Variants in GNG7 observed in about 807,000 individuals in gnomAD.
The protein encoded by GNG7 is guanine nucleotide-binding protein G(I)/G(S)/G(O) subunit gamma-7.
A neutral mutation model predicts 4.0 loss-of-function variants in GNG7; 1 was observed. That is an observed-to-expected ratio of 0.25 (90% CI 0.09 to 1.18). The LOEUF is 1.18. GNG7 is among the 50% of genes most tolerant of loss of function. GNG7 has a pLI of 0.50. For missense variants in GNG7, 86 were observed against 91.9 expected (o/e 0.94, Z 0.26); for synonymous variants, 34 against 36.9 (o/e 0.92, Z 0.29).
intron 2 of GNG7, chr19:2,610,964 G>A (rs1367724417): frequency 9.1e-5 from 13 of 142,268 alleles, no homozygotes; most frequent in Non-Finnish European, 1.8e-4. Context: ...GGGGACGAGG[G>A]GGCGGGTGGG....
intron 3 of GNG7, among the ~76,000 whole-genome samples, chr19:2,547,508 C>T (rs80190525): frequency 0.01 from 1,569 of 152,074 alleles, 22 homozygotes; most frequent in African/African-American, 0.036. Context: ...GAGGTCACTG[C>T]GCCCCCCCAC....
At chr19:2,701,527 C>G (rs1001206269) in intron 1 of GNG7, among the ~76,000 whole-genome samples, 2 of 151,134 alleles carry the variant, frequency 1.3e-5, no homozygotes, top group Non-Finnish European at 3.0e-5. Flanking sequence ...TCCAGCCACT[C>G]CCTGGCTCAC....
intron 2 of GNG7, among the ~76,000 whole-genome samples, chr19:2,600,637 ATT>A (rs964771163): frequency 6.8e-6 from 1 of 147,688 alleles, no homozygotes; most frequent in Non-Finnish European, 1.5e-5. Context: ...CACCTGGCTA[ATT>A]TTTTTTTTTA....
intron 3 of GNG7, among the ~76,000 whole-genome samples, chr19:2,539,504 C>T (rs529447259): frequency 6.6e-6 from 1 of 152,104 alleles, no homozygotes; most frequent in East Asian, 1.9e-4. Context: ...GGGGTTTCAC[C>T]ATGTTGGCCA....
intron 2 of GNG7, among the ~76,000 whole-genome samples, chr19:2,596,027 C>T (rs577607097): frequency 2.8e-4 from 43 of 152,050 alleles, no homozygotes; most frequent in East Asian, 5.8e-4. Flanking sequence ...GAGGAAGCAA[C>T]GCTTACGAAA....
intron 2 of GNG7, among the ~76,000 whole-genome samples, chr19:2,638,204 T>A (rs1025539777): frequency 1.3e-5 from 2 of 150,122 alleles, no homozygotes; most frequent in African/African-American, 4.9e-5. Flanking sequence ...CTCTACTAAA[T>A]ATACAAAAGT....
intron 1 of GNG7, among the ~76,000 whole-genome samples, chr19:2,698,838 G>A (rs1403012013): frequency 1.3e-5 from 2 of 152,110 alleles, no homozygotes; most frequent in East Asian, 3.8e-4. Context: ...CTACACGTGA[G>A]GGTAATTTGT....
chr19:2,574,022 C>A (rs917303762), intron 2 of GNG7, among the ~76,000 whole-genome samples: 3 of 152,160 alleles, frequency 2.0e-5, no homozygotes, highest in African/African-American at 7.2e-5. Context: ...TCGGGGAGGC[C>A]TGGGTATCCC....
intron 3 of GNG7, among the ~76,000 whole-genome samples, chr19:2,526,287 T>C (rs1978393342): frequency 1.3e-5 from 2 of 150,842 alleles, no homozygotes; most frequent in Admixed American, 1.3e-4. Context: ...GTATTTTTAA[T>C]AGAGACGGGG....
chr19:2,632,439 A>AC (rs1166755478), intron 2 of GNG7: 4 of 151,792 alleles, frequency 2.6e-5, no homozygotes, highest in African/African-American at 9.7e-5. Context: ...CAAAAAAAAA[A>AC]AAAACAAAAA....
At chr19:2,613,010 A>C (rs1206034863) in intron 2 of GNG7, among the ~76,000 whole-genome samples, 1 of 151,944 alleles carries the variant, frequency 6.6e-6, no homozygotes, top group Non-Finnish European at 1.5e-5. Flanking sequence ...ACATTTTTAG[A>C]GCGGAGGAGG....
intron 2 of GNG7, among the ~76,000 whole-genome samples, chr19:2,602,873 CTCTCTT>C (rs1288631971): frequency 2.0e-5 from 3 of 150,534 alleles, no homozygotes; most frequent in Non-Finnish European, 1.5e-5. Context: ...CCACCCTTTT[CTCTCTT>C]TCTCTTTCTT....
intron 2 of GNG7, among the ~76,000 whole-genome samples, chr19:2,578,682 C>T (rs535301106): frequency 4.6e-5 from 7 of 152,378 alleles, no homozygotes; most frequent in African/African-American, 1.7e-4. Context: ...GGATCCTTCT[C>T]TCTGGGGTGG....
In GNG7 at chr19:2,538,460, C is replaced by CAAA. The variant is rs397859757; in HGVS notation, c.-38+16686_-38+16688dup. The stretch of plus-strand genomic sequence containing the variant: ...CAACATAGTGAGACCCCCGTCTCTG[C>CAAA]AAAAAAAAAAAAAAAAAAAAATTAG... On this transcript the variant is annotated intron_variant, in intron 3 of 4. Coordinates refer to ENST00000382159, the MANE Select transcript of GNG7 (RefSeq NM_052847.3). 6.5e-3 allele frequency: 1,169 copies of CAAA among 179,420 alleles called. 2 individuals carry two copies. Among genetic ancestry groups the CAAA allele is most frequent in the East Asian group, 0.024 (119 of 4,928 alleles). 11.1% of individuals were successfully genotyped at this position (179,420 alleles called of 1,614,324 possible). A position where few individuals can be genotyped will look rare whatever the true frequency, so the allele number is the denominator to read the frequency against.
intron 1 of GNG7, among the ~76,000 whole-genome samples, chr19:2,651,274 CTCCCTCCCTCCATCCCTCCCTCCCTACCT>C (rs1982809790): frequency 2.3e-5 from 2 of 85,474 alleles, no homozygotes; most frequent in African/African-American, 9.7e-5. Context: ...CCTTCCTTCC[CTCCCTCCCTCCATCCCTCCCTCCCTACCT>C]TCCCTCCATC....
At chr19:2,598,744 G>C (rs1041320789) in intron 2 of GNG7, among the ~76,000 whole-genome samples, 2 of 150,476 alleles carry the variant, frequency 1.3e-5, no homozygotes, top group Non-Finnish European at 3.0e-5. Flanking sequence ...GGCATCTTCC[G>C]TCAAAAGAAT....
intron 1 of GNG7, among the ~76,000 whole-genome samples, chr19:2,652,262 G>C (rs1469801981): frequency 3.9e-5 from 6 of 152,082 alleles, no homozygotes; most frequent in African/African-American, 1.4e-4. Context: ...TAGGCCAGAC[G>C]CTGAGAGAGA....
intron 4 of GNG7, among the ~76,000 whole-genome samples, chr19:2,518,106 C>T (rs1045548330): frequency 6.6e-6 from 1 of 152,176 alleles, no homozygotes; most frequent in African/African-American, 2.4e-5. Flanking sequence ...CTTGGCACCA[C>T]CCCCCATGCC....
chr19:2,521,149 C>T (rs138811050), intron 3 of GNG7, among the ~76,000 whole-genome samples: 2,204 of 151,818 alleles, frequency 0.015, 20 homozygotes, highest in Non-Finnish European at 0.024. Flanking sequence ...GCCTATAGTC[C>T]CAGCTACTCT....
Sources: gnomAD v4.1 joint callset for allele counts (sites outside exome capture counted in the v4.1 genomes callset) on GRCh38, gnomAD v4.1.1 for gene constraint, MANE v1.5 for transcripts, NCBI Gene and HGNC (gene_info 2026-07-23, HGNC 2026-07-21) for gene names.